Variants in ZNF385B observed in about 807,000 individuals in gnomAD.
ZNF385B encodes the protein zinc finger protein 533.
Under a neutral mutation model 39.2 loss-of-function variants are expected in ZNF385B, and 23 were observed. The ratio of observed to expected loss-of-function variants is 0.59; its 90% CI spans 0.42 to 0.83. The LOEUF is 0.83. Among genes scored for constraint, ZNF385B ranks in the 40% least tolerant of loss-of-function variants. The probability of loss-of-function intolerance (pLI) is 0.00; values close to 1 mark genes in which losing one functional copy is unlikely to be tolerated. For synonymous variants in ZNF385B, 205 were observed against 222.6 expected, an observed-to-expected ratio of 0.92 and a Z score of 0.70; for missense variants, 552 against 598.9, an observed-to-expected ratio of 0.92 and a Z score of 0.82.
chr2:179,455,289 C>A (rs936456603), intron 6 of ZNF385B, among the ~76,000 whole-genome samples: 1 of 151,914 alleles, frequency 6.6e-6, no homozygotes, highest in Non-Finnish European at 1.5e-5. Flanking sequence ...GCTGTGTCCC[C>A]ACCGAGATCT....
At chr2:179,705,023 C>A (rs1699483634) in intron 3 of ZNF385B, among the ~76,000 whole-genome samples, 1 of 152,074 alleles carries the variant, frequency 6.6e-6, no homozygotes, top group Non-Finnish European at 1.5e-5. Flanking sequence ...CCCTTTTTTT[C>A]CCCTGGCCTA....
intron 3 of ZNF385B, among the ~76,000 whole-genome samples, chr2:179,728,585 T>C (rs886538578): frequency 3.9e-5 from 6 of 152,152 alleles, no homozygotes; most frequent in Admixed American, 3.9e-4. Flanking sequence ...ATGTTTCCCA[T>C]AGTTAATATG....
intron 4 of ZNF385B, among the ~76,000 whole-genome samples, chr2:179,521,572 A>G (rs565972561): frequency 1.6e-4 from 25 of 152,054 alleles, no homozygotes; most frequent in African/African-American, 5.8e-4. Context: ...TGTGTCCCCA[A>G]GGCTGAGAGC....
At chr2:179,537,474 T>A (rs2059649758) in intron 4 of ZNF385B, among the ~76,000 whole-genome samples, 2 of 151,948 alleles carry the variant, frequency 1.3e-5, no homozygotes, top group South Asian at 4.2e-4. Flanking sequence ...GCATGGTGGC[T>A]CACACCTGTA....
At chr2:179,572,500 G>C (rs1239456730) in intron 3 of ZNF385B, among the ~76,000 whole-genome samples, 1 of 152,060 alleles carries the variant, frequency 6.6e-6, no homozygotes, top group Non-Finnish European at 1.5e-5. Context: ...ACCTATGTGA[G>C]AGACAATTTG....
At chr2:179,483,534 G>T in intron 5 of ZNF385B, 100 bp from the exon 6 acceptor site, 1 of 1,487,300 alleles carries the variant, frequency 6.7e-7, no homozygotes, top group Non-Finnish European at 9.2e-7. Context: ...AGGCACCACA[G>T]ACATTTACAA....
rs1017955763 is a variant in ZNF385B, at chr2:179,548,438, TAAC to T, written c.299-3472_299-3470del. Among the ~76,000 whole-genome samples the T allele has an allele frequency of 1.3e-5, 2 of 148,546 alleles. 1 individual carries two copies. Among genetic ancestry groups the T allele is most frequent in the African/African-American group, 5.1e-5 (2 of 39,396 alleles). On this transcript the variant is annotated intron_variant, in intron 3 of 9. Transcript: ENST00000410066. Reference sequence around the variant, plus strand: ...GTTTGTTTGTTTGTTTGTTTTAATATAACAACTTTATTGAGGTATAACTCATAT... The same window carrying T: ...GTTTGTTTGTTTGTTTGTTTTAATATAACTTTATTGAGGTATAACTCATAT...
intron 3 of ZNF385B, among the ~76,000 whole-genome samples, chr2:179,559,459 A>T (rs1242402471): frequency 2.0e-5 from 3 of 152,140 alleles, no homozygotes; most frequent in Non-Finnish European, 4.4e-5. Context: ...AACATCTCCA[A>T]TGAACACCCA....
chr2:179,610,142 A>G (rs1689166723), intron 3 of ZNF385B, among the ~76,000 whole-genome samples: 1 of 152,026 alleles, frequency 6.6e-6, no homozygotes, highest in Non-Finnish European at 1.5e-5. Flanking sequence ...TGCCTAATCC[A>G]TTGTCTTGGA....
chr2:179,562,293 A>ACTTTTC (rs2061385530), intron 3 of ZNF385B: 3 of 778,600 alleles, frequency 3.9e-6, no homozygotes, highest in African/African-American at 3.8e-5. Flanking sequence ...TAATTCTGAT[A>ACTTTTC]CTTTTCTCTT....
chr2:179,577,812 T>A (rs78870575), intron 3 of ZNF385B, among the ~76,000 whole-genome samples: 1 of 141,372 alleles, frequency 7.1e-6, no homozygotes. Context: ...TAAAAAAAAA[T>A]ACTGATGACT....
intron 5 of ZNF385B, among the ~76,000 whole-genome samples, chr2:179,501,745 G>C (rs1198669645): frequency 6.6e-6 from 1 of 152,096 alleles, no homozygotes; most frequent in Non-Finnish European, 1.5e-5. Flanking sequence ...TAATCGTATT[G>C]TTTGTAACTC....
At chr2:179,588,800 C>A (rs187215433) in intron 3 of ZNF385B, among the ~76,000 whole-genome samples, 1 of 152,204 alleles carries the variant, frequency 6.6e-6, no homozygotes, top group Admixed American at 6.5e-5. Context: ...TCTGACCCAC[C>A]ATCAATGGTG....
rs115043675 is a variant in ZNF385B at position 179,535,856 on chromosome 2, A to C, written c.441+8971T>G. ...CACCCTCAAAAGCAACTATAAAAGT[A>C]AAGGAACCAGAATATTCCAAAGCAT... On this transcript the variant is annotated intron_variant, in intron 4 of 9. Transcript: ENST00000410066. 1.3e-3 allele frequency among the ~76,000 whole-genome samples: 204 copies of C among 152,370 alleles called. 1 individual carries two copies. The highest frequency in any genetic ancestry group is 4.7e-3 in the African/African-American group (194 of 41,596).
At chr2:179,589,439 CA>C (rs1431420410) in intron 3 of ZNF385B, among the ~76,000 whole-genome samples, 1 of 152,050 alleles carries the variant, frequency 6.6e-6, no homozygotes, top group African/African-American at 2.4e-5. Flanking sequence ...AAGAGGAGAA[CA>C]AAAGAAGTCT....
chr2:179,838,606 C>T (rs1396888826), intron 1 of ZNF385B, among the ~76,000 whole-genome samples: 1 of 152,074 alleles, frequency 6.6e-6, no homozygotes, highest in African/African-American at 2.4e-5. Flanking sequence ...AAACAAGATT[C>T]CTCGGGAAAG....
chr2:179,664,558 A>G (rs958460303), intron 3 of ZNF385B, among the ~76,000 whole-genome samples: 1 of 152,210 alleles, frequency 6.6e-6, no homozygotes, highest in Non-Finnish European at 1.5e-5. Context: ...AAAAAGAAAA[A>G]AATTGTTGTG....
intron 4 of ZNF385B, among the ~76,000 whole-genome samples, chr2:179,535,057 T>C (rs1420397941): frequency 6.6e-6 from 1 of 152,168 alleles, no homozygotes; most frequent in African/African-American, 2.4e-5. Context: ...GACCATCTTA[T>C]ATAGAGAAGT....
At chr2:179,776,554 A>G (rs895880809) in intron 1 of ZNF385B, among the ~76,000 whole-genome samples, 2 of 152,088 alleles carry the variant, frequency 1.3e-5, no homozygotes, top group African/African-American at 4.8e-5. Flanking sequence ...TCAAACCATA[A>G]CTGTGAAGTC....
Sources: gnomAD v4.1 joint callset for allele counts (sites outside exome capture counted in the v4.1 genomes callset) on GRCh38, gnomAD v4.1.1 for gene constraint, MANE v1.5 for transcripts, NCBI Gene and HGNC (gene_info 2026-07-23, HGNC 2026-07-21) for gene names.